Variants in TNFSF11 observed in about 807,000 individuals in gnomAD.
The protein encoded by TNFSF11 is TNF superfamily member 11.
In TNFSF11, 12 loss-of-function variants were observed where a neutral mutation model predicts 32.2. The ratio of observed to expected loss-of-function variants is 0.37; its 90% CI spans 0.24 to 0.60. The LOEUF (loss-of-function observed/expected upper bound fraction) is 0.60, where lower values mean the gene tolerates loss of function less well. Ranked by LOEUF, TNFSF11 falls within the 20% of genes least tolerant of loss-of-function variation. TNFSF11 has a pLI of 0.66. For synonymous variants in TNFSF11, 172 were observed against 152.1 expected (o/e 1.13, Z -0.96); for missense variants, 345 against 398.0 (o/e 0.87, Z 1.13).
At chr13:42,604,940 C>T (rs1301507509) in intron 4 of TNFSF11, among the ~76,000 whole-genome samples, 2 of 152,030 alleles carry the variant, frequency 1.3e-5, no homozygotes, top group East Asian at 3.9e-4. Context: ...CCTGCCACCG[C>T]GCCCAGCTAA....
At chr13:42,568,247 T>C (rs994801759) in intron 2 of TNFSF11, among the ~76,000 whole-genome samples, 2 of 152,258 alleles carry the variant, frequency 1.3e-5, no homozygotes, top group South Asian at 2.1e-4. Context: ...GTTGAATATG[T>C]ATGCTTTGCC....
At position 42,607,046 on chromosome 13, in the gene TNFSF11, A is replaced by C. The variant is rs1869501581; in HGVS notation, c.*128A>C. On this transcript the variant is annotated 3_prime_UTR_variant, in exon 5 of 5. Transcript: ENST00000398795. ...TGGCCCCAACGGTACACGACTCAGT[A>C]TCCATGCTCTTGACCTTGTAGAGAA... The C allele has an allele frequency of 2.5e-6, 3 of 1,192,854 alleles. No individual in the cohort carries two copies. The highest frequency in any genetic ancestry group is 3.6e-6 in the Non-Finnish European group (3 of 830,116). 73.9% of individuals were successfully genotyped at this position (1,192,854 alleles called of 1,614,324 possible). A position where few individuals can be genotyped will look rare whatever the true frequency, so the allele number is the denominator to read the frequency against.
chr13:42,563,812 A>G (rs1183642298), intron 1 of TNFSF11, among the ~76,000 whole-genome samples: 1 of 152,024 alleles, frequency 6.6e-6, no homozygotes, highest in Non-Finnish European at 1.5e-5. Context: ...CTAGGTGTAG[A>G]TTTCTTTGTA....
chr13:42,564,242 G>T (rs1375238898), intron 1 of TNFSF11, among the ~76,000 whole-genome samples: 1 of 151,918 alleles, frequency 6.6e-6, no homozygotes, highest in Admixed American at 6.6e-5. Context: ...CTTTGCCTCT[G>T]TTTTCTTTAC....
rs775440686 is a variant in TNFSF11 at position 42,606,632 on chromosome 13, G to A, written c.668G>A (p.Arg223Gln). 3.7e-6 allele frequency: 6 copies of A among 1,614,128 alleles called. No homozygotes were observed. The highest frequency in any genetic ancestry group is 2.2e-5 in the East Asian group (1 of 44,880). The change falls in exon 5 of 5, where the codon CGA (arginine) becomes CAA (glutamine). Residue 223 changes from arginine (R) to glutamine (Q), a missense_variant. Coordinates refer to ENST00000398795, the MANE Select transcript of TNFSF11 (RefSeq NM_003701.4). The part of the protein sequence containing the change: ...FYYLYANICF[R>Q]HHETSGDLAT... ...TACCTGTATGCCAACATTTGCTTTC[G>A]ACATCATGAAACTTCAGGAGACCTA... is the stretch of plus-strand genomic sequence containing the variant.
At chr13:42,588,555 T>C (rs372788237) in intron 2 of TNFSF11, among the ~76,000 whole-genome samples, 29 of 152,270 alleles carry the variant, frequency 1.9e-4, no homozygotes, top group African/African-American at 7.0e-4. Context: ...AAGGGATAGA[T>C]TGGATTGTTC....
rs1420728580 is a variant in TNFSF11, at chr13:42,607,000, G to C, written c.*82G>C. 1 of 1,573,442 alleles carries C rather than the reference G, an allele frequency of 6.4e-7. No individual in the cohort carries two copies. Among genetic ancestry groups the C allele is most frequent in the Non-Finnish European group, 8.7e-7 (1 of 1,148,626 alleles). On this transcript the variant is annotated 3_prime_UTR_variant, in exon 5 of 5. Transcript: ENST00000398795. ...CAAGCCAAGAAAGATGTATATAGGT[G>C]TGTGAGACTACTAAGAGGCATGGCC...
At chr13:42,593,717 A>T (rs1868629975) in intron 2 of TNFSF11, among the ~76,000 whole-genome samples, 1 of 152,260 alleles carries the variant, frequency 6.6e-6, no homozygotes, top group African/African-American at 2.4e-5. Context: ...AGATGTTAAA[A>T]TGAATGCATT....
At chr13:42,587,305 A>G (rs1292993579) in intron 2 of TNFSF11, among the ~76,000 whole-genome samples, 1 of 152,200 alleles carries the variant, frequency 6.6e-6, no homozygotes, top group Non-Finnish European at 1.5e-5. Flanking sequence ...TGGACAAGGT[A>G]GTCTCTAGCT....
At chr13:42,594,183 G>A (rs553557105) in intron 2 of TNFSF11, among the ~76,000 whole-genome samples, 9 of 152,046 alleles carry the variant, frequency 5.9e-5, no homozygotes, top group African/African-American at 1.4e-4. Context: ...GGGCTCAAGC[G>A]ATCTCGTGCC....
At chr13:42,600,571 T>A (rs1233278826) in intron 2 of TNFSF11, among the ~76,000 whole-genome samples, 181 bp from the exon 3 acceptor site, 2 of 152,210 alleles carry the variant, frequency 1.3e-5, no homozygotes, top group Non-Finnish European at 2.9e-5. Context: ...ACACCAATTC[T>A]TTTGGGGGAA....
chr13:42,573,451 G>T (rs1873142422), upstream of TNFSF11, among the ~76,000 whole-genome samples: 1 of 152,198 alleles, frequency 6.6e-6, no homozygotes, highest in Non-Finnish European at 1.5e-5. Context: ...TCAGCTTCGT[G>T]TTACATCTCT....
chr13:42,584,566 G>A (rs967355367), intron 2 of TNFSF11, among the ~76,000 whole-genome samples: 4 of 152,166 alleles, frequency 2.6e-5, no homozygotes, highest in African/African-American at 7.2e-5. Context: ...TGTATGTAAA[G>A]GTGTTAGTGA....
Position 42,586,441 on chromosome 13 carries a change from A to T in TNFSF11, c.387+5148A>T, listed in dbSNP as rs147468181. ...ACCAGTCCTACAATTGATAATTAGG[A>T]ATATTATGGCCTGAGGCAGTAATGC... On this transcript the variant is annotated intron_variant, in intron 2 of 4. Coordinates refer to ENST00000398795, the MANE Select transcript of TNFSF11 (RefSeq NM_003701.4). Among the ~76,000 whole-genome samples, 1,210 of 152,334 alleles carry T rather than the reference A, an allele frequency of 7.9e-3. 16 individuals are homozygous for T. The highest frequency in any genetic ancestry group is 0.027 in the African/African-American group (1,106 of 41,570).
At position 42,574,389 on chromosome 13, in the gene TNFSF11, C is replaced by G; in HGVS notation, c.86C>G (p.Pro29Arg). The G allele has an allele frequency of 6.5e-7, 1 of 1,549,672 alleles. No individual in the cohort carries two copies. Among genetic ancestry groups the G allele is most frequent in the South Asian group, 1.2e-5 (1 of 84,368 alleles). Reference sequence around the variant, plus strand: ...GGCCCCGGAGCCCCGCACGAGGGCCCCCTGCACGCCCCGCCGCCGCCTGCG... The same window carrying G: ...GGCCCCGGAGCCCCGCACGAGGGCCGCCTGCACGCCCCGCCGCCGCCTGCG... The part of the protein sequence containing the change: ...GGGPGAPHEG[P>R]LHAPPPPAPH... The change falls in exon 1 of 5, where the codon CCC (proline) becomes CGC (arginine). Residue 29 changes from proline (P) to arginine (R), a missense_variant. Coordinates refer to ENST00000398795, the MANE Select transcript of TNFSF11 (RefSeq NM_003701.4).
upstream of TNFSF11, among the ~76,000 whole-genome samples, chr13:42,571,948 T>C (rs540138429): frequency 2.0e-5 from 3 of 152,300 alleles, no homozygotes; most frequent in African/African-American, 7.2e-5. Flanking sequence ...TTTTAGGAAA[T>C]GGTGAATGTT....
chr13:42,586,125 AC>A (rs1196283882), intron 2 of TNFSF11, among the ~76,000 whole-genome samples: 1 of 152,254 alleles, frequency 6.6e-6, no homozygotes, highest in East Asian at 1.9e-4. Flanking sequence ...TTAAATAAAT[AC>A]ATATGTACAT....
chr13:42,602,683 T>C (rs191203321), intron 4 of TNFSF11, among the ~76,000 whole-genome samples: 77 of 152,342 alleles, frequency 5.1e-4, no homozygotes, highest in African/African-American at 1.8e-3. Context: ...GGCAATCAAA[T>C]AAATATGGAT....
At chr13:42,591,741 G>C (rs1237596579) in intron 2 of TNFSF11, among the ~76,000 whole-genome samples, 4 of 152,124 alleles carry the variant, frequency 2.6e-5, no homozygotes, top group African/African-American at 7.2e-5. Context: ...CGATACTAAA[G>C]CCTATCTCAT....
Sources: allele counts gnomAD v4.1 joint callset (sites outside exome capture counted in the v4.1 genomes callset), GRCh38; gene constraint gnomAD v4.1.1; transcripts MANE v1.5; gene names NCBI Gene and HGNC (gene_info 2026-07-23, HGNC 2026-07-21).